SOX6: variants seen among roughly 807,000 people sequenced by gnomAD.
SOX6 encodes the protein SRY-box transcription factor 6, also known as transcription factor SOX-6.
A neutral mutation model predicts 97.8 loss-of-function variants in SOX6; 11 were observed. The observed-to-expected ratio is 0.11, with a 90% CI of 0.07 to 0.19. The LOEUF (loss-of-function observed/expected upper bound fraction) is 0.19, where lower values mean the gene tolerates loss of function less well. SOX6 is among the 10% of genes least tolerant of loss of function. SOX6 has a pLI of 1.00. For missense variants in SOX6, 810 were observed against 1,039.5 expected (o/e 0.78, Z 3.04); for synonymous variants, 360 against 371.4 (o/e 0.97, Z 0.35).
chr11:16,435,777 C>A (rs892759963), intron 1 of SOX6, among the ~76,000 whole-genome samples: 3 of 152,050 alleles, frequency 2.0e-5, no homozygotes, highest in African/African-American at 7.2e-5. Flanking sequence ...AGTTTCTTCT[C>A]CCTTTTTGTT....
chr11:16,728,150 T>C (rs1300527831), intron 2 of SOX6, among the ~76,000 whole-genome samples: 2 of 152,182 alleles, frequency 1.3e-5, no homozygotes, highest in Non-Finnish European at 2.9e-5. Flanking sequence ...AAGGGGCACC[T>C]GTGGGCGCAG....
At chr11:16,387,205 T>C (rs1056517121) in intron 1 of SOX6, among the ~76,000 whole-genome samples, 6 of 152,156 alleles carry the variant, frequency 3.9e-5, no homozygotes, top group African/African-American at 1.2e-4. Context: ...ATTTAACTGA[T>C]TGAAGTGTAA....
chr11:16,096,312 T>C (rs1848792708), intron 8 of SOX6, among the ~76,000 whole-genome samples, 194 bp from the exon 9 acceptor site: 1 of 151,850 alleles, frequency 6.6e-6, no homozygotes, highest in Non-Finnish European at 1.5e-5. Context: ...TTCTTGTTTC[T>C]GCCTCTGACT....
intron 2 of SOX6, among the ~76,000 whole-genome samples, chr11:16,323,728 A>T (rs1410260923): frequency 6.6e-6 from 1 of 152,142 alleles, no homozygotes; most frequent in African/African-American, 2.4e-5. Flanking sequence ...CTGGAATAAA[A>T]TATTCATTAC....
chr11:16,622,352 A>C (rs565229708), intron 3 of SOX6, among the ~76,000 whole-genome samples: 1 of 152,286 alleles, frequency 6.6e-6, no homozygotes, highest in East Asian at 1.9e-4. Context: ...GATTTCTGAG[A>C]TTTGGGTACA....
chr11:16,209,386 CA>C (rs1852158089), intron 4 of SOX6, among the ~76,000 whole-genome samples: 2 of 152,112 alleles, frequency 1.3e-5, no homozygotes, highest in Non-Finnish European at 2.9e-5. Flanking sequence ...AAGCTCTATG[CA>C]AACTGAGTTA....
At chr11:16,178,724 C>G (rs1207389962) in intron 6 of SOX6, among the ~76,000 whole-genome samples, 1 of 151,838 alleles carries the variant, frequency 6.6e-6, no homozygotes, top group Non-Finnish European at 1.5e-5. Flanking sequence ...AGATCCATTA[C>G]CTGATCAATA....
intron 3 of SOX6, among the ~76,000 whole-genome samples, chr11:16,653,362 G>A (rs1384360688): frequency 6.6e-6 from 1 of 151,994 alleles, no homozygotes; most frequent in Non-Finnish European, 1.5e-5. Flanking sequence ...TATGAAACCA[G>A]CCCAAACACC....
chr11:16,441,627 C>T (rs1323778954), intron 1 of SOX6, among the ~76,000 whole-genome samples: 1 of 152,120 alleles, frequency 6.6e-6, no homozygotes, highest in Non-Finnish European at 1.5e-5. Context: ...AAAATATCCT[C>T]AATGTATGGC....
intron 4 of SOX6, among the ~76,000 whole-genome samples, chr11:16,200,831 C>T (rs544741738): frequency 2.6e-4 from 40 of 152,148 alleles, no homozygotes; most frequent in Admixed American, 1.5e-3. Context: ...ACAGGCTGGG[C>T]GCGATGGCTC....
At chr11:16,102,312 T>C (rs926531309) in intron 7 of SOX6, among the ~76,000 whole-genome samples, 1 of 151,682 alleles carries the variant, frequency 6.6e-6, no homozygotes, top group Non-Finnish European at 1.5e-5. Flanking sequence ...CTTAGGAATA[T>C]ACCTAACTAA....
At chr11:16,738,382 T>C (rs1267463338) in intron 1 of SOX6, 3 of 253,522 alleles carry the variant, frequency 1.2e-5, no homozygotes, top group Non-Finnish European at 2.4e-5. Flanking sequence ...AAAACCCCTC[T>C]AAGCCTCCTC....
chr11:16,139,638 A>G (rs1168140206), intron 6 of SOX6, among the ~76,000 whole-genome samples: 1 of 151,260 alleles, frequency 6.6e-6, no homozygotes, highest in African/African-American at 2.4e-5. Flanking sequence ...CTTATCTTGT[A>G]TTTTCCCTTC....
chr11:16,040,370 G>C (rs533061253), intron 12 of SOX6, among the ~76,000 whole-genome samples: 1 of 152,028 alleles, frequency 6.6e-6, no homozygotes, highest in South Asian at 2.1e-4. Flanking sequence ...AAGTAGTCCT[G>C]ACAACAGAAA....
intron 10 of SOX6, among the ~76,000 whole-genome samples, chr11:16,051,293 A>G (rs1178593093): frequency 6.6e-6 from 1 of 152,186 alleles, no homozygotes; most frequent in Non-Finnish European, 1.5e-5. Context: ...AAATAGGAAA[A>G]TGGAGGTCAG....
At position 15,989,254 on chromosome 11, in the gene SOX6, C is replaced by T. The variant is rs1267794004; in HGVS notation, c.1733-24G>A. 2.6e-6 allele frequency: 4 copies of T among 1,563,084 alleles called. No individual in the cohort carries two copies. The African/African-American group carries it at 4.1e-5, about 16-fold the overall frequency. ...TCCTGTAATGTCAGGGCAGGAAGAACAAGATGAGTGGAAAGCGTTATTTTG... is the reference window on the plus strand; with the variant it reads ...TCCTGTAATGTCAGGGCAGGAAGAATAAGATGAGTGGAAAGCGTTATTTTG... On this transcript the variant is annotated intron_variant, in intron 13 of 15. Coordinates refer to ENST00000683767, the MANE Select transcript of SOX6 (RefSeq NM_001367873.1).
At chr11:16,644,290 T>C (rs1014903920) in intron 3 of SOX6, among the ~76,000 whole-genome samples, 1 of 152,204 alleles carries the variant, frequency 6.6e-6, no homozygotes, top group Non-Finnish European at 1.5e-5. Context: ...TCCGCCTGCC[T>C]CAGCCTCTCA....
intron 2 of SOX6, among the ~76,000 whole-genome samples, chr11:16,724,484 T>TA (rs72425242): frequency 2.3e-3 from 334 of 148,100 alleles, no homozygotes; most frequent in Middle Eastern, 6.9e-3. Flanking sequence ...CTGTAGGCTT[T>TA]AAAAAAAAAA....
chr11:16,120,515 CA>C (rs1849462028), intron 6 of SOX6, among the ~76,000 whole-genome samples: 1 of 150,622 alleles, frequency 6.6e-6, no homozygotes, highest in Non-Finnish European at 1.5e-5. Context: ...ATTGGGACTT[CA>C]AAGTCATATG....
Sources: gnomAD v4.1 joint callset for allele counts (sites outside exome capture counted in the v4.1 genomes callset) on GRCh38, gnomAD v4.1.1 for gene constraint, MANE v1.5 for transcripts, NCBI Gene and HGNC (gene_info 2026-07-23, HGNC 2026-07-21) for gene names.